The following ADAM12 variants were observed in gnomAD, a reference collection of about 807,000 sequenced individuals.
ADAM12 encodes disintegrin and metalloproteinase domain-containing protein 12.
A neutral mutation model predicts 106.4 loss-of-function variants in ADAM12; 70 were observed. The observed-to-expected ratio is 0.66, with a 90% CI of 0.54 to 0.80. ADAM12 has a LOEUF of 0.80. Among genes scored for constraint, ADAM12 ranks in the 30% least tolerant of loss-of-function variants. The pLI is 0.00. For missense variants in ADAM12, 1,010 were observed against 1,171.9 expected, an observed-to-expected ratio of 0.86 and a Z score of 2.02; for synonymous variants, 420 against 433.5, an observed-to-expected ratio of 0.97 and a Z score of 0.39.
intron 2 of ADAM12, among the ~76,000 whole-genome samples, chr10:126,279,889 C>G (rs1441410306): frequency 6.6e-6 from 1 of 152,222 alleles, no homozygotes; most frequent in Non-Finnish European, 1.5e-5. Context: ...CACCACCACA[C>G]TCAATTAGTG....
At chr10:126,185,487 T>A (rs1957384854) in intron 3 of ADAM12, among the ~76,000 whole-genome samples, 1 of 152,208 alleles carries the variant, frequency 6.6e-6, no homozygotes. Context: ...CATCTGTTTT[T>A]TTTTTTGGAT....
At chr10:126,253,309 C>T (rs1958822271) in intron 3 of ADAM12, among the ~76,000 whole-genome samples, 1 of 152,164 alleles carries the variant, frequency 6.6e-6, no homozygotes, top group South Asian at 2.1e-4. Context: ...CCAGCATTAG[C>T]TTGTGCTTTT....
intron 3 of ADAM12, among the ~76,000 whole-genome samples, chr10:126,173,321 C>T (rs986582500): frequency 3.5e-4 from 53 of 152,282 alleles, no homozygotes; most frequent in Non-Finnish European, 5.9e-4. Flanking sequence ...GAGGTGACCT[C>T]AGAAAGGGGA....
chr10:126,343,159 C>T (rs917202955), intron 1 of ADAM12, among the ~76,000 whole-genome samples: 1 of 151,388 alleles, frequency 6.6e-6, no homozygotes, highest in Non-Finnish European at 1.5e-5. Flanking sequence ...GGTATACCTC[C>T]TAATGCTATC....
At chr10:126,028,610 A>T (rs1297837743) in intron 21 of ADAM12, among the ~76,000 whole-genome samples, 4 of 152,218 alleles carry the variant, frequency 2.6e-5, no homozygotes, top group Admixed American at 6.5e-5. Flanking sequence ...ATATGCAGAA[A>T]ATTGAAGCTG....
intron 2 of ADAM12, among the ~76,000 whole-genome samples, chr10:126,300,211 C>T (rs999397440): frequency 1.3e-5 from 2 of 152,150 alleles, no homozygotes; most frequent in Non-Finnish European, 2.9e-5. Context: ...TGGCCAAGAA[C>T]TGGGGTCAGG....
intron 3 of ADAM12, among the ~76,000 whole-genome samples, chr10:126,276,670 A>G (rs1015468070): frequency 3.3e-5 from 5 of 152,220 alleles, no homozygotes; most frequent in African/African-American, 4.8e-5. Flanking sequence ...AAATTATAGC[A>G]TATCATAGGA....
chr10:126,288,332 A>G (rs1959976267), intron 2 of ADAM12, among the ~76,000 whole-genome samples: 1 of 152,102 alleles, frequency 6.6e-6, no homozygotes, highest in African/African-American at 2.4e-5. Flanking sequence ...ACAAATGACC[A>G]ATGAATGCAT....
Position 126,063,796 on chromosome 10 carries a change from G to A in ADAM12, c.1609+1010C>T, listed in dbSNP as rs139395817. On this transcript the variant is annotated intron_variant, in intron 14 of 22. Coordinates refer to ENST00000448723, the MANE Select transcript of ADAM12 (RefSeq NM_001288973.2). ...GAATCTCAAATGGTTCTGGGGTGACGGGGCCTTGGAGTCCAGGGCTGCCCA... is the reference window on the plus strand; with the variant it reads ...GAATCTCAAATGGTTCTGGGGTGACAGGGCCTTGGAGTCCAGGGCTGCCCA... Among the ~76,000 whole-genome samples the A allele has an allele frequency of 3.8e-3, 586 of 152,298 alleles. 3 individuals are homozygous for A. Among genetic ancestry groups the A allele is most frequent in the African/African-American group, 0.012 (506 of 41,570 alleles).
At chr10:126,042,035 A>G in intron 18 of ADAM12, 2 of 1,495,756 alleles carry the variant, frequency 1.3e-6, no homozygotes, top group Non-Finnish European at 1.8e-6. Context: ...AACGATGGCA[A>G]AGCCACAGAG....
chr10:126,043,093 C>T lies in ADAM12; in HGVS notation c.2051G>A (p.Cys684Tyr), dbSNP rs986570879. 8 of 1,614,212 alleles carry T rather than the reference C, an allele frequency of 5.0e-6. No homozygotes were observed. The highest frequency in any genetic ancestry group is 6.8e-6 in the Non-Finnish European group (8 of 1,180,024). Residue 684 changes from cysteine to tyrosine, a missense_variant, in exon 18 of 23, where the codon TGT becomes TAT. Physicochemically the swap from Cys to Tyr is radical, Grantham distance 194. Coordinates refer to ENST00000448723, the MANE Select transcript of ADAM12 (RefSeq NM_001288973.2). The surrounding 1 kb of genome is among the most constrained non-coding windows in gnomAD (Gnocchi z 4.1). ...GCTTCCTCCAAAGCCAAACTTGTCA[C>T]AGAAGGGAGGTGCCCAGTGGGCCTC... ...HCEAHWAPPF[C>Y]DKFGFGGSTD...
intron 2 of ADAM12, among the ~76,000 whole-genome samples, chr10:126,320,035 A>C (rs1854041123): frequency 1.3e-5 from 2 of 152,332 alleles, no homozygotes; most frequent in Admixed American, 1.3e-4. Context: ...CAAAATTGGT[A>C]CTAGGAAGGG....
At chr10:126,272,738 C>A in intron 3 of ADAM12, 1 of 190,936 alleles carries the variant, frequency 5.2e-6, no homozygotes, top group South Asian at 8.2e-5. Context: ...CCGGGTGCTG[C>A]TGGTCTGTGT....
At chr10:126,074,235 G>T (rs974707294) in intron 11 of ADAM12, among the ~76,000 whole-genome samples, 1 of 152,166 alleles carries the variant, frequency 6.6e-6, no homozygotes, top group Non-Finnish European at 1.5e-5. Context: ...CTCAGGAAGG[G>T]TTTATAGCCA....
In ADAM12 at chr10:126,197,888, G is replaced by A. The variant is rs75115561; in HGVS notation, c.261-42583C>T. Among the ~76,000 whole-genome samples the A allele has an allele frequency of 1.3e-3, 204 of 152,308 alleles. 1 individual carries two copies. The East Asian group carries it at 0.034, about 25-fold the overall frequency. ...CACAGGCCTGAAAGCCCCAGACAGC[G>A]GGTGGTACGTGGAAGGCCTAAGTCT... On this transcript the variant is annotated intron_variant, in intron 3 of 22. Coordinates refer to ENST00000448723, the MANE Select transcript of ADAM12 (RefSeq NM_001288973.2).
intron 21 of ADAM12, among the ~76,000 whole-genome samples, chr10:126,020,545 CCTCTTT>C (rs1160428845): frequency 6.6e-6 from 1 of 152,052 alleles, no homozygotes; most frequent in East Asian, 1.9e-4. Context: ...AGTCACTTGA[CCTCTTT>C]CTCTGGAAAA....
chr10:126,168,545 C>T (rs762692020), intron 3 of ADAM12, among the ~76,000 whole-genome samples: 2 of 152,140 alleles, frequency 1.3e-5, no homozygotes, highest in African/African-American at 4.8e-5. Context: ...GGCTTCCATT[C>T]GTCTCACCTA....
intron 1 of ADAM12, among the ~76,000 whole-genome samples, chr10:126,350,786 C>G (rs763177809): frequency 6.6e-6 from 1 of 152,140 alleles, no homozygotes; most frequent in African/African-American, 2.4e-5. Flanking sequence ...GGGAAGTGAG[C>G]CTTGGAGGCC....
intron 14 of ADAM12, among the ~76,000 whole-genome samples, chr10:126,050,404 C>T (rs138695447): frequency 6.6e-6 from 1 of 152,334 alleles, no homozygotes; most frequent in East Asian, 1.9e-4. Context: ...ACTCCTGAAT[C>T]CTGGACATAG....
Sources: allele counts gnomAD v4.1 joint callset (sites outside exome capture counted in the v4.1 genomes callset), GRCh38; gene constraint gnomAD v4.1.1; non-coding constraint Gnocchi (gnomAD v3.1); transcripts MANE v1.5; gene names NCBI Gene and HGNC (gene_info 2026-07-23, HGNC 2026-07-21).